DGKI: variants seen among roughly 807,000 people sequenced by gnomAD.
The protein encoded by DGKI is diacylglycerol kinase iota.
DGKI carries 55 observed loss-of-function variants against 147.5 expected under a neutral mutation model. That is an observed-to-expected ratio of 0.37 (90% CI 0.30 to 0.47). The LOEUF (loss-of-function observed/expected upper bound fraction) is 0.47, where lower values mean the gene tolerates loss of function less well. DGKI is among the 20% of genes least tolerant of loss of function. DGKI has a pLI of 1.00. For missense variants in DGKI, 1,007 were observed against 1,323.8 expected, an observed-to-expected ratio of 0.76 and a Z score of 3.71; for synonymous variants, 469 against 477.1, an observed-to-expected ratio of 0.98 and a Z score of 0.22.
intron 27 of DGKI, among the ~76,000 whole-genome samples, chr7:137,447,046 T>A (rs1813744964): frequency 6.6e-6 from 1 of 152,250 alleles, no homozygotes. Context: ...ACTTCTTTCC[T>A]GATCATGAGT....
chr7:137,763,871 G>A (rs1480416975), intron 1 of DGKI, among the ~76,000 whole-genome samples: 1 of 152,228 alleles, frequency 6.6e-6, no homozygotes, highest in Non-Finnish European at 1.5e-5. Context: ...TCAGTCTCTT[G>A]TAATAATTAG....
At chr7:137,421,587 T>C (rs1812573242) in intron 28 of DGKI, among the ~76,000 whole-genome samples, 2 of 152,230 alleles carry the variant, frequency 1.3e-5, no homozygotes, top group Admixed American at 6.5e-5. Flanking sequence ...GTTCCACTTC[T>C]TTTATTCACC....
At chr7:137,544,752 A>G (rs1817811865) in intron 20 of DGKI, among the ~76,000 whole-genome samples, 1 of 152,184 alleles carries the variant, frequency 6.6e-6, no homozygotes, top group Admixed American at 6.5e-5. Context: ...AAATCTGTGA[A>G]CATGGCTGGG....
At chr7:137,600,315 T>C (rs144230374) in intron 10 of DGKI, among the ~76,000 whole-genome samples, 1 of 152,198 alleles carries the variant, frequency 6.6e-6, no homozygotes, top group African/African-American at 2.4e-5. Flanking sequence ...TTATAAGCAG[T>C]ATAGAAGAGT....
intron 20 of DGKI, among the ~76,000 whole-genome samples, chr7:137,551,092 A>G (rs1221173322): frequency 6.6e-6 from 1 of 152,252 alleles, no homozygotes; most frequent in Non-Finnish European, 1.5e-5. Context: ...AATGTAAACA[A>G]AGAAAGACAT....
intron 12 of DGKI, among the ~76,000 whole-genome samples, chr7:137,590,699 T>A (rs1025151652): frequency 9.9e-5 from 15 of 151,922 alleles, no homozygotes; most frequent in Non-Finnish European, 5.9e-5. Flanking sequence ...TGTGTTGTTG[T>A]TTTTTTTGTC....
intron 1 of DGKI, among the ~76,000 whole-genome samples, chr7:137,781,468 C>T (rs1255869155): frequency 6.6e-6 from 1 of 152,170 alleles, no homozygotes; most frequent in East Asian, 1.9e-4. Context: ...TACTGTTTCC[C>T]TTATATTTCC....
intron 1 of DGKI, among the ~76,000 whole-genome samples, chr7:137,760,416 C>G (rs562371329): frequency 6.6e-6 from 1 of 152,302 alleles, no homozygotes; most frequent in South Asian, 2.1e-4. Flanking sequence ...TTCTTCCTAC[C>G]TCTGTGGCCT....
intron 12 of DGKI, among the ~76,000 whole-genome samples, chr7:137,590,815 C>G (rs1161078686): frequency 6.6e-6 from 1 of 152,182 alleles, no homozygotes; most frequent in East Asian, 1.9e-4. Context: ...GCCTCCGCCA[C>G]GCGAGCAGCT....
intron 1 of DGKI, among the ~76,000 whole-genome samples, chr7:137,823,283 ACT>A (rs924076494): frequency 6.6e-6 from 1 of 152,320 alleles, no homozygotes; most frequent in African/African-American, 2.4e-5. Flanking sequence ...CTCAGCTGTG[ACT>A]CTGTAAGCAC....
intron 19 of DGKI, among the ~76,000 whole-genome samples, chr7:137,569,595 G>C (rs950935932): frequency 3.8e-4 from 57 of 151,440 alleles, no homozygotes; most frequent in Non-Finnish European, 7.5e-4. Flanking sequence ...CGGGCGTGGT[G>C]GTGGGCGCCT....
chr7:137,425,180 G>A (rs976515264), intron 28 of DGKI, among the ~76,000 whole-genome samples: 10 of 152,270 alleles, frequency 6.6e-5, no homozygotes, highest in African/African-American at 1.2e-4. Context: ...TCACACTGCC[G>A]GGTACTCCTC....
At chr7:137,707,538 T>C (rs1284217788) in intron 1 of DGKI, among the ~76,000 whole-genome samples, 1 of 152,222 alleles carries the variant, frequency 6.6e-6, no homozygotes, top group African/African-American at 2.4e-5. Flanking sequence ...CATGGGTTAA[T>C]ACTATCCCTC....
chr7:137,525,457 C>T (rs1262818919), intron 20 of DGKI, among the ~76,000 whole-genome samples: 3 of 152,152 alleles, frequency 2.0e-5, no homozygotes, highest in African/African-American at 2.4e-5. Context: ...TAAACCTTCT[C>T]GAATCATTTG....
At chr7:137,504,840 C>T (rs979754272) in intron 21 of DGKI, among the ~76,000 whole-genome samples, 9 of 151,952 alleles carry the variant, frequency 5.9e-5, no homozygotes, top group East Asian at 1.9e-4. Flanking sequence ...AGATACAACA[C>T]CAAAAGCATG....
intron 30 of DGKI, among the ~76,000 whole-genome samples, chr7:137,403,899 C>A (rs929559921): frequency 2.0e-5 from 3 of 151,874 alleles, no homozygotes; most frequent in Non-Finnish European, 2.9e-5. Context: ...TTACCTACTG[C>A]AAATCTGATG....
At chr7:137,699,806 C>T (rs1046706305) in intron 1 of DGKI, among the ~76,000 whole-genome samples, 3 of 152,140 alleles carry the variant, frequency 2.0e-5, no homozygotes, top group Admixed American at 6.5e-5. Context: ...TTCACCTGGA[C>T]GCCTATACTG....
At chr7:137,752,742 CT>C (rs529078412) in intron 1 of DGKI, among the ~76,000 whole-genome samples, 83 of 152,244 alleles carry the variant, frequency 5.5e-4, no homozygotes, top group Non-Finnish European at 9.8e-4. Flanking sequence ...GTTGTAAGCC[CT>C]TAAAAGGAAC....
At chr7:137,682,539 C>T (rs1172342188) in intron 2 of DGKI, among the ~76,000 whole-genome samples, 6 of 152,178 alleles carry the variant, frequency 3.9e-5, no homozygotes, top group Middle Eastern at 3.2e-3. Flanking sequence ...ATTATTGTTG[C>T]TATTACTCTC....
Sources: gnomAD v4.1 joint callset for allele counts (sites outside exome capture counted in the v4.1 genomes callset) on GRCh38, gnomAD v4.1.1 for gene constraint, MANE v1.5 for transcripts, NCBI Gene and HGNC (gene_info 2026-07-23, HGNC 2026-07-21) for gene names.